SNTG1: variants seen among roughly 807,000 people sequenced by gnomAD.
The protein encoded by SNTG1 is gamma-1-syntrophin.
SNTG1 carries 39 observed loss-of-function variants against 74.7 expected under a neutral mutation model. That is an observed-to-expected ratio of 0.52 (90% CI 0.40 to 0.68). The LOEUF (loss-of-function observed/expected upper bound fraction) is 0.68. Among genes scored for constraint, SNTG1 ranks in the 30% least tolerant of loss-of-function variants. The pLI, the probability that SNTG1 is intolerant of heterozygous loss-of-function variation, is 0.00. For missense variants in SNTG1, 685 were observed against 609.5 expected (o/e 1.12, Z -1.30); for synonymous variants, 254 against 217.1 (o/e 1.17, Z -1.49).
intron 1 of SNTG1, among the ~76,000 whole-genome samples, chr8:50,039,396 AG>A (rs1818434476): frequency 7.4e-6 from 1 of 134,984 alleles, no homozygotes; most frequent in Non-Finnish European, 1.5e-5. Context: ...CGGAGCTTGC[AG>A]TGAGCCGAGA....
intron 1 of SNTG1, among the ~76,000 whole-genome samples, chr8:50,002,905 T>G (rs1243506371): frequency 6.6e-6 from 1 of 152,176 alleles, no homozygotes; most frequent in Non-Finnish European, 1.5e-5. Context: ...AGTGGAATAT[T>G]ATACAGCTGT....
intron 15 of SNTG1, among the ~76,000 whole-genome samples, chr8:50,693,128 C>A (rs2095389553): frequency 6.6e-6 from 1 of 152,110 alleles, no homozygotes; most frequent in East Asian, 1.9e-4. Flanking sequence ...GTGGGAGTGA[C>A]CCAATTTTCC....
At chr8:50,073,178 C>T (rs1191931542) in intron 1 of SNTG1, among the ~76,000 whole-genome samples, 5 of 152,214 alleles carry the variant, frequency 3.3e-5, no homozygotes, top group African/African-American at 9.6e-5. Flanking sequence ...TGGAAACACC[C>T]TCTCAAACCC....
chr8:50,527,602 TA>T (rs2130274143), intron 9 of SNTG1, among the ~76,000 whole-genome samples: 1 of 152,174 alleles, frequency 6.6e-6, no homozygotes, highest in South Asian at 2.1e-4. Context: ...TTTACATGTC[TA>T]TTTTTTTAAA....
chr8:50,212,913 G>C lies in SNTG1; in HGVS notation c.-28+40278G>C, dbSNP rs542619459. Among the ~76,000 whole-genome samples the C allele has an allele frequency of 2.2e-4, 34 of 152,278 alleles. No individual in the cohort carries two copies. In the South Asian group the frequency reaches 5.6e-3, roughly 25 times the overall value. The stretch of plus-strand genomic sequence containing the variant: ...TCTCAGAACTATTCTGTGAGAGAAC[G>C]TGTGGAAGCAACCCCAGAGCAATTG... On this transcript the variant is annotated intron_variant, in intron 2 of 18. Coordinates refer to ENST00000642720, the MANE Select transcript of SNTG1 (RefSeq NM_018967.5).
At chr8:50,191,996 A>G (rs1413454657) in intron 2 of SNTG1, among the ~76,000 whole-genome samples, 1 of 152,118 alleles carries the variant, frequency 6.6e-6, no homozygotes. Context: ...GAGGATTTCC[A>G]AATATCACCA....
chr8:50,252,448 A>G (rs998178077), intron 2 of SNTG1, among the ~76,000 whole-genome samples: 15 of 152,204 alleles, frequency 9.9e-5, no homozygotes, highest in African/African-American at 3.6e-4. Flanking sequence ...AACAAAATTA[A>G]CAAACTCTTG....
intron 17 of SNTG1, among the ~76,000 whole-genome samples, chr8:50,740,029 GCC>G: frequency 6.6e-6 from 1 of 151,818 alleles, no homozygotes; most frequent in Non-Finnish European, 1.5e-5. Flanking sequence ...CTGGAATACA[GCC>G]TAGGCAATAC....
chr8:50,695,486 T>TA (rs2131473808), intron 15 of SNTG1, among the ~76,000 whole-genome samples: 2 of 89,506 alleles, frequency 2.2e-5, no homozygotes, highest in South Asian at 6.8e-4. Flanking sequence ...GTTTTTTATT[T>TA]CTTATTTATT....
chr8:49,997,131 C>T lies in SNTG1; in HGVS notation c.-103+84900C>T, dbSNP rs1338137295. Among the ~76,000 whole-genome samples the T allele has an allele frequency of 3.3e-5, 5 of 152,168 alleles. No individual in the cohort carries two copies. The East Asian group carries it at 9.7e-4, about 29-fold the overall frequency. On this transcript the variant is annotated intron_variant, in intron 1 of 18. Transcript: ENST00000642720. ...TAAACTAGGCAACTCTGTGACTCCA[C>T]GAAGCTGTTCTCTGTCTAAATGAAC...
intron 17 of SNTG1, among the ~76,000 whole-genome samples, chr8:50,723,106 C>T (rs975833279): frequency 3.3e-5 from 5 of 152,166 alleles, no homozygotes; most frequent in African/African-American, 9.6e-5. Context: ...GCTCACCAAA[C>T]GTACGTGACC....
chr8:50,434,979 T>A (rs1390213629), intron 4 of SNTG1, among the ~76,000 whole-genome samples: 2 of 152,134 alleles, frequency 1.3e-5, no homozygotes, highest in Non-Finnish European at 1.5e-5. Flanking sequence ...ACCTGAGATA[T>A]GTGATGCCAA....
chr8:50,635,984 G>A (rs557655077), intron 13 of SNTG1, among the ~76,000 whole-genome samples: 1 of 152,008 alleles, frequency 6.6e-6, no homozygotes, highest in East Asian at 2.0e-4. Context: ...GGGTCCAAGG[G>A]CTCTTTAATG....
chr8:50,655,690 AAAG>A (rs1263647826), intron 13 of SNTG1, among the ~76,000 whole-genome samples: 1 of 152,204 alleles, frequency 6.6e-6, no homozygotes, highest in Non-Finnish European at 1.5e-5. Context: ...TAATTAATGG[AAAG>A]AAGATGAGAT....
At chr8:50,738,678 C>T (rs1440158676) in intron 17 of SNTG1, among the ~76,000 whole-genome samples, 1 of 151,842 alleles carries the variant, frequency 6.6e-6, no homozygotes, top group Non-Finnish European at 1.5e-5. Flanking sequence ...GCTACAGTAA[C>T]CAAAACAGCA....
intron 8 of SNTG1, among the ~76,000 whole-genome samples, chr8:50,475,273 G>C (rs564567220): frequency 1.5e-4 from 23 of 150,780 alleles, no homozygotes; most frequent in African/African-American, 5.3e-4. Flanking sequence ...GGCAAAAAAA[G>C]AAAAAAAATG....
At chr8:50,620,947 A>T (rs1397768848) in intron 13 of SNTG1, among the ~76,000 whole-genome samples, 1 of 152,164 alleles carries the variant, frequency 6.6e-6, no homozygotes, top group Non-Finnish European at 1.5e-5. Flanking sequence ...GTGAGCTTGG[A>T]GACATAGGCT....
At chr8:50,689,995 G>C (rs2095370636) in intron 15 of SNTG1, among the ~76,000 whole-genome samples, 1 of 152,162 alleles carries the variant, frequency 6.6e-6, no homozygotes, top group Non-Finnish European at 1.5e-5. Flanking sequence ...ATGTGTCGAG[G>C]AATTTATCCA....
chr8:50,749,033 A>T (rs2095561377), intron 17 of SNTG1, among the ~76,000 whole-genome samples: 1 of 152,084 alleles, frequency 6.6e-6, no homozygotes, highest in Non-Finnish European at 1.5e-5. Context: ...AGGCGTGTTG[A>T]AAACAGAGAT....
Sources: allele counts gnomAD v4.1 joint callset (sites outside exome capture counted in the v4.1 genomes callset), GRCh38; gene constraint gnomAD v4.1.1; transcripts MANE v1.5; gene names NCBI Gene and HGNC (gene_info 2026-07-23, HGNC 2026-07-21).